AKIRIN2: variants seen among roughly 807,000 people sequenced by gnomAD.
The protein encoded by AKIRIN2 is akirin-2.
AKIRIN2 carries 6 observed loss-of-function variants against 29.3 expected under a neutral mutation model. That is an observed-to-expected ratio of 0.20 (90% CI 0.11 to 0.40). The LOEUF (loss-of-function observed/expected upper bound fraction) is 0.40, where lower values mean the gene tolerates loss of function less well. Among genes scored for constraint, AKIRIN2 ranks in the 10% least tolerant of loss-of-function variants. The probability of loss-of-function intolerance (pLI) is 1.00; values close to 1 mark genes in which losing one functional copy is unlikely to be tolerated. For synonymous variants in AKIRIN2, 128 were observed against 117.5 expected, an observed-to-expected ratio of 1.09 and a Z score of -0.58; for missense variants, 210 against 276.1, an observed-to-expected ratio of 0.76 and a Z score of 1.70.
intron 1 of AKIRIN2, among the ~76,000 whole-genome samples, chr6:87,686,188 T>C (rs1429833398): frequency 1.3e-5 from 2 of 151,970 alleles, no homozygotes; most frequent in Non-Finnish European, 2.9e-5. Flanking sequence ...GCACTGCAGC[T>C]TGGGCAACAA....
intron 1 of AKIRIN2, among the ~76,000 whole-genome samples, chr6:87,698,747 C>T (rs2128303144): frequency 6.6e-6 from 1 of 152,162 alleles, no homozygotes; most frequent in East Asian, 1.9e-4. Context: ...GCTAGTCCTT[C>T]CTTTTTCCTA....
At chr6:87,693,333 T>C (rs1771308180) in intron 1 of AKIRIN2, among the ~76,000 whole-genome samples, 1 of 152,198 alleles carries the variant, frequency 6.6e-6, no homozygotes, top group African/African-American at 2.4e-5. Context: ...CACCTCTTCA[T>C]GTTACATCCA....
At chr6:87,695,669 C>T (rs1003579190) in intron 1 of AKIRIN2, among the ~76,000 whole-genome samples, 2 of 152,214 alleles carry the variant, frequency 1.3e-5, no homozygotes, top group African/African-American at 4.8e-5. Flanking sequence ...CCTACTCCCA[C>T]TCCTAATACC....
At chr6:87,676,177 G>A (rs202044003) in intron 3 of AKIRIN2, among the ~76,000 whole-genome samples, 32 of 129,300 alleles carry the variant, frequency 2.5e-4, no homozygotes, top group Admixed American at 2.2e-3. Flanking sequence ...CTAACAAAAA[G>A]GCTGGGACCG....
chr6:87,676,200 C>T (rs777559629), intron 3 of AKIRIN2, among the ~76,000 whole-genome samples: 4 of 151,892 alleles, frequency 2.6e-5, no homozygotes, highest in Non-Finnish European at 5.9e-5. Flanking sequence ...TGCGGTGGCT[C>T]ACGCCTGTAA....
At chr6:87,691,791 A>T (rs1771281899) in intron 1 of AKIRIN2, among the ~76,000 whole-genome samples, 1 of 152,240 alleles carries the variant, frequency 6.6e-6, no homozygotes, top group South Asian at 2.1e-4. Context: ...AGTGTCATGG[A>T]AGTCACTGAT....
At chr6:87,697,804 ACT>A (rs138562974) in intron 1 of AKIRIN2, among the ~76,000 whole-genome samples, 4,752 of 152,272 alleles carry the variant, frequency 0.031, 245 homozygotes, top group African/African-American at 0.11. Context: ...AAGGAACTTA[ACT>A]CTTCACAGAA....
chr6:87,697,683 A>ATGCATCAATGTCTGGTGAACAGCC (rs1421605624), intron 1 of AKIRIN2, among the ~76,000 whole-genome samples: 4 of 152,230 alleles, frequency 2.6e-5, no homozygotes, highest in Non-Finnish European at 5.9e-5. Context: ...GTTTGCAGGC[A>ATGCATCAATGTCTGGTGAACAGCC]TGCATCAATG....
At chr6:87,676,260 C>T (rs913588208) in intron 3 of AKIRIN2, among the ~76,000 whole-genome samples, 4 of 150,458 alleles carry the variant, frequency 2.7e-5, no homozygotes, top group East Asian at 1.9e-4. Flanking sequence ...GTCAGAAGAT[C>T]GAGACCATCC....
Position 87,701,482 on chromosome 6 carries a change from G to T in AKIRIN2, c.203C>A (p.Pro68His). 6.6e-7 allele frequency: 1 copy of T among 1,513,556 alleles called. No homozygotes were observed. 93.8% of individuals were successfully genotyped at this position (1,513,556 alleles called of 1,614,324 possible). Residue 68 changes from proline (P) to histidine (H), a missense_variant, in exon 1 of 5, where the codon CCC becomes CAC. Pro to His is a moderately conservative substitution (Grantham distance 77). Transcript: ENST00000257787. ...PQKYLRMEPS[P>H]FGDVSSRLTT... ...GAGGCGGGAGGAGACGTCGCCGAAG[G>T]GGGATGGCTCCATTCGGAGATACTT... is the stretch of plus-strand genomic sequence containing the variant.
chr6:87,698,140 G>A (rs1299672958), intron 1 of AKIRIN2, among the ~76,000 whole-genome samples: 2 of 152,024 alleles, frequency 1.3e-5, no homozygotes, highest in Non-Finnish European at 2.9e-5. Context: ...GCTACTAGAG[G>A]CATTCATTTC....
intron 1 of AKIRIN2, among the ~76,000 whole-genome samples, chr6:87,689,089 A>C (rs927655082): frequency 6.6e-6 from 1 of 152,226 alleles, no homozygotes; most frequent in Non-Finnish European, 1.5e-5. Flanking sequence ...TAAATGCAGA[A>C]CCTAAGCCAG....
intron 1 of AKIRIN2, among the ~76,000 whole-genome samples, chr6:87,690,396 T>C (rs1771260318): frequency 1.3e-5 from 2 of 152,236 alleles, no homozygotes; most frequent in South Asian, 4.1e-4. Flanking sequence ...TGAATGGTTT[T>C]TGCAGTTGTC....
chr6:87,701,871 G>A lies in AKIRIN2; in HGVS notation c.-187C>T, dbSNP rs981819343. 4.4e-6 allele frequency: 2 copies of A among 451,074 alleles called. No individual in the cohort carries two copies. The highest frequency in any genetic ancestry group is 7.7e-6 in the Non-Finnish European group (2 of 258,944). 27.9% of individuals were successfully genotyped at this position (451,074 alleles called of 1,614,324 possible). A position where few individuals can be genotyped will look rare whatever the true frequency, so the allele number is the denominator to read the frequency against. On this transcript the variant is annotated 5_prime_UTR_variant, in exon 1 of 5. Transcript: ENST00000257787. ...CTGCCGCCGCTGCCTCCGCGGCAGG[G>A]GCAGTGGCCAGGGACGGCCCGGGTG...
chr6:87,685,397 A>C (rs1390621807), intron 1 of AKIRIN2, among the ~76,000 whole-genome samples: 1 of 152,230 alleles, frequency 6.6e-6, no homozygotes, highest in Non-Finnish European at 1.5e-5. Flanking sequence ...TACCAGGTAG[A>C]TAAAGGCCTT....
At chr6:87,698,933 AATG>A (rs1045413103) in intron 1 of AKIRIN2, among the ~76,000 whole-genome samples, 1 of 152,216 alleles carries the variant, frequency 6.6e-6, no homozygotes, top group African/African-American at 2.4e-5. Context: ...AGAGGAGAAC[AATG>A]ATAAAATAAA....
Position 87,677,861 on chromosome 6 carries a change from T to C in AKIRIN2, c.486A>G (p.Lys162=), listed in dbSNP as rs767638636. 9.3e-6 allele frequency: 15 copies of C among 1,614,040 alleles called. No homozygotes were observed. Among genetic ancestry groups the C allele is most frequent in the African/African-American group, 1.3e-5 (1 of 74,932 alleles). The change falls in exon 3 of 5, where the codon AAA becomes AAG. Residue 162 remains lysine (K), a synonymous_variant. Coordinates refer to ENST00000257787, the MANE Select transcript of AKIRIN2 (RefSeq NM_018064.4). ...ATATTTCTTCATATTCTTCTCGAACTTTCTCTTCACGTTCTTTCAACAAAC... is the reference window on the plus strand; with the variant it reads ...ATATTTCTTCATATTCTTCTCGAACCTTCTCTTCACGTTCTTTCAACAAAC... ...CERLLKEREE[K]VREEYEEILN... is the part of the protein sequence containing the mutation.
Position 87,675,410 on chromosome 6 carries a change from A to G in AKIRIN2, c.*187T>C, listed in dbSNP as rs1407941297. On this transcript the variant is annotated 3_prime_UTR_variant, in exon 5 of 5. Coordinates refer to ENST00000257787, the MANE Select transcript of AKIRIN2 (RefSeq NM_018064.4). ...ATACAGGTAGCAAAGGTCCACATCC[A>G]GGTGGTACTGACATCAGGGAAATTT... The G allele has an allele frequency of 1.7e-5, 12 of 685,800 alleles. No individual in the cohort carries two copies. The East Asian group carries it at 2.7e-4, about 16-fold the overall frequency. 42.5% of individuals were successfully genotyped at this position (685,800 alleles called of 1,614,324 possible).
chr6:87,692,674 T>C (rs1417388710), intron 1 of AKIRIN2, among the ~76,000 whole-genome samples: 1 of 152,094 alleles, frequency 6.6e-6, no homozygotes, highest in Non-Finnish European at 1.5e-5. Context: ...TAGCTGGGTG[T>C]GGCGGCGCAC....
Sources: gnomAD v4.1 joint callset for allele counts (sites outside exome capture counted in the v4.1 genomes callset) on GRCh38, gnomAD v4.1.1 for gene constraint, MANE v1.5 for transcripts, NCBI Gene and HGNC (gene_info 2026-07-23, HGNC 2026-07-21) for gene names.